ADAMTS2: variants seen among roughly 807,000 people sequenced by gnomAD.
The protein encoded by ADAMTS2 is A disintegrin and metalloproteinase with thrombospondin motifs 2.
ADAMTS2 carries 50 observed loss-of-function variants against 123.0 expected under a neutral mutation model. That is an observed-to-expected ratio of 0.41 (90% CI 0.32 to 0.51). The LOEUF is 0.51. ADAMTS2 is among the 20% of genes least tolerant of loss of function. The pLI is 0.35. For missense variants in ADAMTS2, 1,494 were observed against 1,705.2 expected (o/e 0.88, Z 2.18); for synonymous variants, 678 against 695.4 (o/e 0.98, Z 0.39).
chr5:179,211,143 T>C (rs1469684880), intron 3 of ADAMTS2, among the ~76,000 whole-genome samples: 3 of 152,238 alleles, frequency 2.0e-5, no homozygotes, highest in Admixed American at 6.5e-5. Context: ...AGAAGAGGGC[T>C]ATTTGCTGCT....
intron 3 of ADAMTS2, among the ~76,000 whole-genome samples, chr5:179,209,495 C>A (rs1764797838): frequency 2.0e-5 from 3 of 152,154 alleles, no homozygotes; most frequent in Admixed American, 6.5e-5. Flanking sequence ...CTCCACAGTT[C>A]TGTGTCCCCT....
In ADAMTS2 at chr5:179,158,629, C is replaced by T. The variant is rs1392075606; in HGVS notation, c.1132+94G>A. 6 of 1,566,334 alleles carry T rather than the reference C, an allele frequency of 3.8e-6. No individual in the cohort carries two copies. Among genetic ancestry groups the T allele is most frequent in the Non-Finnish European group, 5.2e-6 (6 of 1,142,930 alleles). On this transcript the variant is annotated intron_variant, in intron 6 of 21. Coordinates refer to ENST00000251582, the MANE Select transcript of ADAMTS2 (RefSeq NM_014244.5). The surrounding 1 kb of genome is among the most constrained non-coding windows in gnomAD (Gnocchi z 5.0). ...CGGCCTTCCCTGCCCTGACACTCTTCCCTGGGCTGGGCCAAGGCTCCCGGG... is the reference window on the plus strand; with the variant it reads ...CGGCCTTCCCTGCCCTGACACTCTTTCCTGGGCTGGGCCAAGGCTCCCGGG...
chr5:179,153,416 C>A, intron 9 of ADAMTS2, 75 bp downstream of exon 9: 1 of 1,592,818 alleles, frequency 6.3e-7, no homozygotes, highest in Non-Finnish European at 8.5e-7. Context: ...CTCACACTGT[C>A]CCGGGAGCTG....
At chr5:179,302,014 C>A (rs1756533177) in intron 2 of ADAMTS2, among the ~76,000 whole-genome samples, 1 of 152,316 alleles carries the variant, frequency 6.6e-6, no homozygotes, top group South Asian at 2.1e-4. Context: ...CTCCGGGACT[C>A]CCTGCAGAGG....
chr5:179,194,981 C>T (rs904714603), intron 4 of ADAMTS2, among the ~76,000 whole-genome samples: 2 of 152,214 alleles, frequency 1.3e-5, no homozygotes, highest in Non-Finnish European at 1.5e-5. Context: ...CTGCGATTCA[C>T]GATGCGGCCA....
chr5:179,159,536 C>T (rs1324751484), intron 5 of ADAMTS2, among the ~76,000 whole-genome samples: 1 of 152,254 alleles, frequency 6.6e-6, no homozygotes. Flanking sequence ...AGGGCATACA[C>T]AGATGATTCC....
At position 179,122,783 on chromosome 5, in the gene ADAMTS2, G is replaced by C; in HGVS notation, c.2959-10C>G. ...CACAGGTTACTGAGCACTGCAGGGG[G>C]AGAGTCGCCAGGCAGGGTTCACCTC... On this transcript the variant is annotated splice_polypyrimidine_tract_variant and intron_variant, in intron 19 of 21. Transcript: ENST00000251582. 6.4e-7 allele frequency: 1 copy of C among 1,554,526 alleles called. No individual in the cohort carries two copies. The highest frequency in any genetic ancestry group is 8.7e-7 in the Non-Finnish European group (1 of 1,149,354).
At chr5:179,171,121 T>C (rs553783544) in intron 5 of ADAMTS2, among the ~76,000 whole-genome samples, 1 of 152,354 alleles carries the variant, frequency 6.6e-6, no homozygotes, top group African/African-American at 2.4e-5. Context: ...CATTTGCTTT[T>C]CCCAGTAATT....
At chr5:179,172,562 C>A (rs1763845150) in intron 5 of ADAMTS2, among the ~76,000 whole-genome samples, 2 of 152,240 alleles carry the variant, frequency 1.3e-5, no homozygotes. Context: ...CAAGATTTCC[C>A]ATTTCCTTCA....
chr5:179,265,325 G>C (rs926145072), intron 3 of ADAMTS2, among the ~76,000 whole-genome samples: 3 of 152,246 alleles, frequency 2.0e-5, no homozygotes, highest in Non-Finnish European at 2.9e-5. Flanking sequence ...ATGTCGGGAG[G>C]GGAGAGGTGG....
Position 179,345,134 on chromosome 5 carries a change from CGG to C in ADAMTS2, c.139+54_139+55del. The C allele has an allele frequency of 9.5e-7, 1 of 1,056,198 alleles. No homozygotes were observed. The highest frequency in any genetic ancestry group is 1.1e-6 in the Non-Finnish European group (1 of 873,610). The allele number at this position is 1,056,198 out of a possible 1,614,324, so 65.4% of individuals were successfully genotyped here. ...CCTGGGGAGGGGGCGGCGGGGCACGCGGGACAGGGCCAGGCCGGCGGGGGTCC... is the reference window on the plus strand; with the variant it reads ...CCTGGGGAGGGGGCGGCGGGGCACGCGACAGGGCCAGGCCGGCGGGGGTCC... On this transcript the variant is annotated intron_variant, in intron 1 of 21. Coordinates refer to ENST00000251582, the MANE Select transcript of ADAMTS2 (RefSeq NM_014244.5). The surrounding 1 kb of genome is among the most constrained non-coding windows in gnomAD (Gnocchi z 7.5).
At chr5:179,139,068 A>ATCC (rs1372060950) in intron 11 of ADAMTS2, among the ~76,000 whole-genome samples, 1 of 152,236 alleles carries the variant, frequency 6.6e-6, no homozygotes, top group Non-Finnish European at 1.5e-5. Flanking sequence ...CCAAAAAGGA[A>ATCC]AGACCGAAGC....
At chr5:179,217,368 T>C (rs954476414) in intron 3 of ADAMTS2, among the ~76,000 whole-genome samples, 3 of 152,252 alleles carry the variant, frequency 2.0e-5, no homozygotes, top group African/African-American at 7.2e-5. Flanking sequence ...GGATACGGTT[T>C]GATCACCTGA....
intron 4 of ADAMTS2, among the ~76,000 whole-genome samples, chr5:179,183,893 G>T (rs906424313): frequency 6.6e-6 from 1 of 152,222 alleles, no homozygotes; most frequent in Non-Finnish European, 1.5e-5. Flanking sequence ...TATAGGAACA[G>T]ACACCAGAGA....
rs1312904643 is a variant in ADAMTS2 at position 179,188,266 on chromosome 5, G to T, written c.892-7111C>A. Among the ~76,000 whole-genome samples the T allele has an allele frequency of 1.3e-5, 2 of 152,200 alleles. No homozygotes were observed. The highest frequency in any genetic ancestry group is 2.9e-5 in the Non-Finnish European group (2 of 68,022). ...GCCTGAAAAGTCTGTCAGAGGCCTGGGGGAGGGGGGCCTGCTGCTCTGTGG... is the reference window on the plus strand; with the variant it reads ...GCCTGAAAAGTCTGTCAGAGGCCTGTGGGAGGGGGGCCTGCTGCTCTGTGG... On this transcript the variant is annotated intron_variant, in intron 4 of 21. Coordinates refer to ENST00000251582, the MANE Select transcript of ADAMTS2 (RefSeq NM_014244.5). This position sits in a 1 kb window ranked among gnomAD's most constrained non-coding sequence, Gnocchi z 5.1.
chr5:179,153,677 A>T (rs931089088), intron 8 of ADAMTS2, 54 bp from the exon 9 acceptor site: 55 of 1,561,400 alleles, frequency 3.5e-5, no homozygotes, highest in Middle Eastern at 1.8e-4. Context: ...GACCATCCAC[A>T]GCCCTGGAGG....
intron 3 of ADAMTS2, among the ~76,000 whole-genome samples, chr5:179,208,146 C>CTTGCCCGCA (rs1561806088): frequency 6.6e-5 from 10 of 151,184 alleles, no homozygotes; most frequent in Non-Finnish European, 7.4e-5. Flanking sequence ...CAGAGCCACC[C>CTTGCCCGCA]CTTGCCCACA....
At chr5:179,319,755 T>C (rs1757104550) in intron 2 of ADAMTS2, among the ~76,000 whole-genome samples, 1 of 151,984 alleles carries the variant, frequency 6.6e-6, no homozygotes, top group Non-Finnish European at 1.5e-5. Flanking sequence ...GTGACCCTCT[T>C]TTCACCCAGA....
intron 11 of ADAMTS2, 57 bp downstream of exon 11, chr5:179,139,833 T>A: frequency 1.2e-6 from 2 of 1,605,924 alleles, no homozygotes; most frequent in Non-Finnish European, 1.7e-6. Flanking sequence ...CTGGAGAGGG[T>A]CTCCTGGACC....
Sources: allele counts gnomAD v4.1 joint callset (sites outside exome capture counted in the v4.1 genomes callset), GRCh38; gene constraint gnomAD v4.1.1; non-coding constraint Gnocchi (gnomAD v3.1); transcripts MANE v1.5; gene names NCBI Gene and HGNC (gene_info 2026-07-23, HGNC 2026-07-21).